NUP37: variants seen among roughly 807,000 people sequenced by gnomAD.
NUP37 encodes the protein nucleoporin 37.
A neutral mutation model predicts 45.4 loss-of-function variants in NUP37; 33 were observed. The ratio of observed to expected loss-of-function variants is 0.73; its 90% CI spans 0.55 to 0.97. NUP37 has a LOEUF of 0.97. Among genes scored for constraint, NUP37 ranks in the 50% least tolerant of loss-of-function variants. NUP37 has a pLI of 0.00. For synonymous variants in NUP37, 127 were observed against 130.7 expected (o/e 0.97, Z 0.19); for missense variants, 365 against 389.7 (o/e 0.94, Z 0.53).
intron 6 of NUP37, 25 bp from the exon 7 acceptor site, chr12:102,077,528 AACTC>A (rs749030709): frequency 6.3e-7 from 1 of 1,594,514 alleles, no homozygotes; most frequent in Non-Finnish European, 8.5e-7. Flanking sequence ...AATAAAAAGA[AACTC>A]AATCACTTAT....
intron 8 of NUP37, 93 bp downstream of exon 8, chr12:102,076,704 C>A: frequency 1.0e-6 from 1 of 970,200 alleles, no homozygotes; most frequent in Non-Finnish European, 1.6e-6. Context: ...AAAAAAAAAT[C>A]CAGTGCAAAG....
chr12:102,082,909 C>T (rs1427619415), intron 6 of NUP37, among the ~76,000 whole-genome samples: 8 of 152,018 alleles, frequency 5.3e-5, no homozygotes, highest in African/African-American at 7.3e-5. Context: ...AATTAAAAGA[C>T]CTGGAATAGT....
At chr12:102,080,980 G>A (rs1224800797) in intron 6 of NUP37, among the ~76,000 whole-genome samples, 2 of 152,216 alleles carry the variant, frequency 1.3e-5, no homozygotes, top group Admixed American at 6.5e-5. Flanking sequence ...AATGAACAAT[G>A]AAGCATGGTA....
chr12:102,102,845 GAA>G (rs781013186), intron 3 of NUP37, among the ~76,000 whole-genome samples: 12 of 152,122 alleles, frequency 7.9e-5, no homozygotes, highest in African/African-American at 1.2e-4. Context: ...ATCATTCATT[GAA>G]GACACTGTCC....
intron 6 of NUP37, among the ~76,000 whole-genome samples, chr12:102,081,715 A>T (rs941168455): frequency 3.5e-4 from 51 of 145,636 alleles, no homozygotes; most frequent in Non-Finnish European, 5.6e-4. Context: ...TCATTTAGCT[A>T]TTTTTTTTTT....
chr12:102,097,766 T>C (rs1353937211), intron 5 of NUP37, among the ~76,000 whole-genome samples: 2 of 152,162 alleles, frequency 1.3e-5, no homozygotes, highest in Admixed American at 1.3e-4. Flanking sequence ...GACCGAATTT[T>C]TACCTTAAAA....
intron 2 of NUP37, among the ~76,000 whole-genome samples, chr12:102,116,866 GT>G (rs1189311274): frequency 1.3e-5 from 2 of 152,162 alleles, no homozygotes; most frequent in African/African-American, 4.8e-5. Flanking sequence ...GCTGGGCATG[GT>G]GGCACGTGCC....
chr12:102,088,730 T>C (rs754007624), intron 5 of NUP37, among the ~76,000 whole-genome samples: 7 of 151,188 alleles, frequency 4.6e-5, no homozygotes, highest in Non-Finnish European at 1.0e-4. Flanking sequence ...TTTTAGTATT[T>C]ATTGAACATT....
At chr12:102,092,565 A>C (rs998061263) in intron 5 of NUP37, among the ~76,000 whole-genome samples, 3 of 152,158 alleles carry the variant, frequency 2.0e-5, no homozygotes, top group Non-Finnish European at 2.9e-5. Context: ...GATTCAAAGA[A>C]GGGTAAGTCG....
chr12:102,088,667 T>C lies in NUP37; in HGVS notation c.450-2811A>G, dbSNP rs573375519. 3.9e-5 allele frequency among the ~76,000 whole-genome samples: 6 copies of C among 152,148 alleles called. No homozygotes were observed. In the South Asian group the frequency reaches 1.2e-3, roughly 32 times the overall value. ...TTTTGTGAGATTTACCACCATTTGT[T>C]GCATGTTGTTGTAATTTGTTTTTGT... is the stretch of plus-strand genomic sequence containing the variant. On this transcript the variant is annotated intron_variant, in intron 5 of 9. Transcript: ENST00000552283.
chr12:102,107,964 A>G (rs919682648), intron 3 of NUP37, among the ~76,000 whole-genome samples: 2 of 152,218 alleles, frequency 1.3e-5, no homozygotes, highest in African/African-American at 2.4e-5. Flanking sequence ...GTAATGTCCT[A>G]TCTCTTGACC....
At chr12:102,112,035 T>C (rs1880331778) in intron 3 of NUP37, 73 bp downstream of exon 3, 20 of 1,389,040 alleles carry the variant, frequency 1.4e-5, no homozygotes, top group East Asian at 4.7e-5. Context: ...AAAGTATCTA[T>C]GATCAGACTT....
intron 6 of NUP37, among the ~76,000 whole-genome samples, chr12:102,082,702 G>A (rs1333590193): frequency 2.0e-5 from 3 of 152,130 alleles, no homozygotes; most frequent in Admixed American, 1.3e-4. Flanking sequence ...CTGTATTCTA[G>A]GTTTCTGAGT....
At chr12:102,075,346 T>G (rs1233210474) in intron 8 of NUP37, among the ~76,000 whole-genome samples, 6 of 151,976 alleles carry the variant, frequency 3.9e-5, no homozygotes, top group Non-Finnish European at 7.4e-5. Context: ...CAGGTAAGTT[T>G]TAATTTTTTG....
intron 2 of NUP37, among the ~76,000 whole-genome samples, chr12:102,114,132 A>G (rs1880394059): frequency 6.6e-6 from 1 of 152,236 alleles, no homozygotes; most frequent in Non-Finnish European, 1.5e-5. Context: ...GCAGCCACTA[A>G]ACAATTTTAA....
At chr12:102,085,671 G>A in intron 6 of NUP37, 95 bp downstream of exon 6, 1 of 570,982 alleles carries the variant, frequency 1.8e-6, no homozygotes, top group Admixed American at 3.5e-5. Flanking sequence ...TCTGAGATGG[G>A]AAAAATCATT....
chr12:102,115,744 G>T (rs993739006), intron 2 of NUP37: 19 of 724,254 alleles, frequency 2.6e-5, no homozygotes, highest in Non-Finnish European at 3.2e-5. Flanking sequence ...TTTCTAAACA[G>T]CCTTAAAATA....
chr12:102,077,045 G>A, intron 7 of NUP37, 198 bp from the exon 8 acceptor site: 1 of 608,404 alleles, frequency 1.6e-6, no homozygotes, highest in East Asian at 2.8e-5. Flanking sequence ...GAACCATCAT[G>A]CAACAGGGTC....
intron 2 of NUP37, among the ~76,000 whole-genome samples, chr12:102,118,051 T>C (rs941323027): frequency 6.6e-6 from 1 of 152,214 alleles, no homozygotes; most frequent in African/African-American, 2.4e-5. Flanking sequence ...CCGTAATTAA[T>C]TGGATCTCAT....
Sources: allele counts gnomAD v4.1 joint callset (sites outside exome capture counted in the v4.1 genomes callset), GRCh38; gene constraint gnomAD v4.1.1; transcripts MANE v1.5; gene names NCBI Gene and HGNC (gene_info 2026-07-23, HGNC 2026-07-21).